EIPR1: variants seen among roughly 807,000 people sequenced by gnomAD.
The protein encoded by EIPR1 is EARP and GARP complex-interacting protein 1.
Under a neutral mutation model 48.1 loss-of-function variants are expected in EIPR1, and 25 were observed. The observed-to-expected ratio is 0.52, with a 90% CI of 0.38 to 0.73. The LOEUF is 0.73. Ranked by LOEUF, EIPR1 falls within the 30% of genes least tolerant of loss-of-function variation. The pLI is 0.00. For synonymous variants in EIPR1, 204 were observed against 201.9 expected, an observed-to-expected ratio of 1.01 and a Z score of -0.09; for missense variants, 415 against 506.2, an observed-to-expected ratio of 0.82 and a Z score of 1.73.
chr2:3,375,199 G>A (rs1314801396), intron 1 of EIPR1, among the ~76,000 whole-genome samples: 1 of 134,432 alleles, frequency 7.4e-6, no homozygotes, highest in Non-Finnish European at 1.5e-5. Context: ...ATGGACACAG[G>A]AAGGGGAACA....
intron 5 of EIPR1, among the ~76,000 whole-genome samples, chr2:3,206,130 T>A (rs1665226979): frequency 2.0e-5 from 3 of 152,036 alleles, no homozygotes; most frequent in Non-Finnish European, 4.4e-5. Flanking sequence ...AGGAAGAGGA[T>A]CTTGGGAGGG....
intron 4 of EIPR1, among the ~76,000 whole-genome samples, chr2:3,226,598 GA>G (rs943666707): frequency 2.0e-5 from 3 of 152,260 alleles, no homozygotes; most frequent in East Asian, 3.9e-4. Context: ...TTGCTGTGCA[GA>G]AACTTTTAAA....
chr2:3,356,432 A>C (rs997890996), intron 1 of EIPR1, among the ~76,000 whole-genome samples: 1 of 152,204 alleles, frequency 6.6e-6, no homozygotes, highest in Non-Finnish European at 1.5e-5. Flanking sequence ...CAGGTGATGA[A>C]TCTGAGGCTT....
intron 2 of EIPR1, among the ~76,000 whole-genome samples, chr2:3,346,071 C>T (rs991764619): frequency 1.3e-5 from 2 of 152,206 alleles, no homozygotes; most frequent in African/African-American, 2.4e-5. Flanking sequence ...TTTGTTCATC[C>T]GAAGTAGTGA....
Position 3,189,505 on chromosome 2 carries a change from G to C in EIPR1, c.993C>G (p.Ser331Arg). 6.4e-7 allele frequency: 1 copy of C among 1,551,522 alleles called. No individual in the cohort carries two copies. The highest frequency in any genetic ancestry group is 8.8e-7 in the Non-Finnish European group (1 of 1,139,266). The change falls in exon 9 of 9, where the codon AGC becomes AGG. Residue 331 changes from serine to arginine, a missense_variant. By Grantham distance (110) the Ser-to-Arg change is moderately radical. Transcript: ENST00000382125. This position sits in a 1 kb window ranked among gnomAD's most constrained non-coding sequence, Gnocchi z 4.6. ...DQEDHRSEEK[S>R]KEPLQDNVIA... Reference sequence around the variant, plus strand: ...TCACGTTGTCCTGCAGGGGCTCCTTGCTCCTGCAATGCAACAGAGGCAGAC... The same window carrying C: ...TCACGTTGTCCTGCAGGGGCTCCTTCCTCCTGCAATGCAACAGAGGCAGAC...
intron 5 of EIPR1, among the ~76,000 whole-genome samples, chr2:3,205,155 G>A (rs748720): frequency 0.92 from 139,926 of 152,260 alleles, 64,540 homozygotes; most frequent in East Asian, 0.98. Context: ...TGGGCTGCAC[G>A]GCAAGCGGGA....
At chr2:3,287,161 A>G (rs1668211940) in intron 3 of EIPR1, among the ~76,000 whole-genome samples, 2 of 152,166 alleles carry the variant, frequency 1.3e-5, no homozygotes, top group Non-Finnish European at 1.5e-5. Flanking sequence ...CTCATTCAAC[A>G]TGTTCCACAA....
rs557055241 is a variant in EIPR1 at position 3,321,135 on chromosome 2, G to A, written c.259+16882C>T. 8.4e-4 allele frequency among the ~76,000 whole-genome samples: 128 copies of A among 152,242 alleles called. 1 individual carries two copies. The highest frequency in any genetic ancestry group is 2.9e-3 in the African/African-American group (122 of 41,542). On this transcript the variant is annotated intron_variant, in intron 3 of 8. Coordinates refer to ENST00000382125, the MANE Select transcript of EIPR1 (RefSeq NM_003310.5). ...GCCTCCCGGCCCAGGGAGAGCTCTC[G>A]GGAATGTGCTCCAAACGACAGCTCC...
At chr2:3,236,725 A>C (rs1026109090) in intron 4 of EIPR1, among the ~76,000 whole-genome samples, 1 of 151,770 alleles carries the variant, frequency 6.6e-6, no homozygotes. Flanking sequence ...CTAGGAGGTG[A>C]CTCCTACGCT....
At chr2:3,237,837 C>A (rs1666463203) in intron 4 of EIPR1, among the ~76,000 whole-genome samples, 1 of 152,186 alleles carries the variant, frequency 6.6e-6, no homozygotes, top group Admixed American at 6.5e-5. Context: ...ACAGTCAACA[C>A]TGAGAACAGG....
At chr2:3,224,959 C>T (rs962695889) in intron 4 of EIPR1, among the ~76,000 whole-genome samples, 4 of 152,250 alleles carry the variant, frequency 2.6e-5, no homozygotes, top group East Asian at 1.9e-4. Flanking sequence ...ATCAGGGTGC[C>T]GGGGCCAGCA....
chr2:3,318,960 T>TA (rs1462048130), intron 3 of EIPR1: 1 of 471,416 alleles, frequency 2.1e-6, no homozygotes, highest in East Asian at 6.9e-5. Flanking sequence ...TGATGTCTCC[T>TA]AAAAAGACAA....
At chr2:3,308,129 T>G (rs1320646192) in intron 3 of EIPR1, among the ~76,000 whole-genome samples, 1 of 152,128 alleles carries the variant, frequency 6.6e-6, no homozygotes, top group East Asian at 1.9e-4. Flanking sequence ...TTGCACAGAC[T>G]GTGGGGCTCT....
intron 3 of EIPR1, among the ~76,000 whole-genome samples, chr2:3,277,126 G>A (rs912371817): frequency 3.3e-5 from 5 of 152,132 alleles, no homozygotes; most frequent in African/African-American, 1.2e-4. Flanking sequence ...TTAGAGGCAG[G>A]CAAAACAAAG....
Position 3,213,485 on chromosome 2 carries a change from G to C in EIPR1, c.516+664C>G, listed in dbSNP as rs542727957. 2.6e-5 allele frequency among the ~76,000 whole-genome samples: 4 copies of C among 152,260 alleles called. No homozygotes were observed. The South Asian group carries it at 8.3e-4, about 32-fold the overall frequency. On this transcript the variant is annotated intron_variant, in intron 5 of 8. Transcript: ENST00000382125. ...TCATGCAAATACATTACAAGAGCTA[G>C]GCACCACTATGAAATTAAAATTTTA...
At chr2:3,301,114 T>C (rs1668750238) in intron 3 of EIPR1, 1 of 152,120 alleles carries the variant, frequency 6.6e-6, no homozygotes, top group Non-Finnish European at 1.5e-5. Context: ...CAAAAATGTT[T>C]TGGGAAATGA....
At chr2:3,321,583 A>T (rs1669531808) in intron 3 of EIPR1, among the ~76,000 whole-genome samples, 1 of 152,162 alleles carries the variant, frequency 6.6e-6, no homozygotes, top group African/African-American at 2.4e-5. Context: ...CTCTCAGCTT[A>T]TTTTCACAAT....
intron 4 of EIPR1, 194 bp from the exon 5 acceptor site, chr2:3,214,442 G>GC: frequency 2.0e-6 from 1 of 488,026 alleles, no homozygotes; most frequent in Non-Finnish European, 3.6e-6. Flanking sequence ...ACTGAATTGT[G>GC]CCCCCCTCCC....
intron 2 of EIPR1, among the ~76,000 whole-genome samples, chr2:3,344,931 C>A (rs980880304): frequency 6.6e-6 from 1 of 152,100 alleles, no homozygotes; most frequent in Non-Finnish European, 1.5e-5. Context: ...ATACAATAAC[C>A]AGCATTTCCC....
Sources: gnomAD v4.1 joint callset for allele counts (sites outside exome capture counted in the v4.1 genomes callset) on GRCh38, gnomAD v4.1.1 for gene constraint, Gnocchi (gnomAD v3.1) non-coding constraint, MANE v1.5 for transcripts, NCBI Gene and HGNC (gene_info 2026-07-23, HGNC 2026-07-21) for gene names.